The following SCARA3 variants were observed in gnomAD, a reference collection of about 807,000 sequenced individuals.
SCARA3 encodes scavenger receptor class A member 3.
A neutral mutation model predicts 47.0 loss-of-function variants in SCARA3; 39 were observed. The ratio of observed to expected loss-of-function variants is 0.83; its 90% CI spans 0.64 to 1.08. The LOEUF (loss-of-function observed/expected upper bound fraction) is 1.08, where lower values mean the gene tolerates loss of function less well. Among genes scored for constraint, SCARA3 ranks in the 50% least tolerant of loss-of-function variants. SCARA3 has a pLI of 0.00. For missense variants in SCARA3, 724 were observed against 792.3 expected (o/e 0.91, Z 1.04); for synonymous variants, 356 against 334.1 (o/e 1.07, Z -0.71).
chr8:27,724,399 C>CA, the SCARA3 span, among the ~76,000 whole-genome samples: 1 of 152,140 alleles, frequency 6.6e-6, no homozygotes, highest in Non-Finnish European at 1.5e-5. Flanking sequence ...CACAGTGGCT[C>CA]AAGCCTGTAA....
the SCARA3 span, among the ~76,000 whole-genome samples, chr8:27,699,516 G>T: frequency 6.6e-6 from 1 of 152,136 alleles, no homozygotes; most frequent in African/African-American, 2.4e-5. Flanking sequence ...CGGCAGCCTT[G>T]TTTTTAAAGA....
At chr8:27,715,857 G>GATAGATAC in the SCARA3 span, among the ~76,000 whole-genome samples, 9 of 107,294 alleles carry the variant, frequency 8.4e-5, no homozygotes, top group East Asian at 2.7e-4. The surrounding 1 kb of genome is among the most constrained non-coding windows in gnomAD (Gnocchi z 4.2). Context: ...TAGATAGATA[G>GATAGATAC]ATAGATACAT....
chr8:27,671,347 A>T lies in SCARA3; in HGVS notation c.1817A>T (p.Tyr606Phe). ...PPGPPGSQSFY is the reference protein window; with the variant it reads ...PPGPPGSQSFF The stretch of plus-strand genomic sequence containing the variant: ...GGTCCACCAGGAAGCCAGAGCTTCT[A>T]CTGAGGAGGGCTGTGGCAGAGCCAC... The change falls in exon 6 of 6, where the codon TAC (tyrosine) becomes TTC (phenylalanine). Residue 606 changes from tyrosine (Y) to phenylalanine (F), a missense_variant. Transcript: ENST00000301904. 7.0e-7 allele frequency: 1 copy of T among 1,420,702 alleles called. No homozygotes were observed. The highest frequency in any genetic ancestry group is 9.2e-7 in the Non-Finnish European group (1 of 1,089,500). The allele number at this position is 1,420,702 out of a possible 1,614,324, so 88.0% of individuals were successfully genotyped here. A position where few individuals can be genotyped will look rare whatever the true frequency, so the allele number is the denominator to read the frequency against.
At chr8:27,669,310 G>A (rs1802092163) in intron 5 of SCARA3, among the ~76,000 whole-genome samples, 1 of 152,372 alleles carries the variant, frequency 6.6e-6, no homozygotes, top group South Asian at 2.1e-4. Context: ...GCTTCGTGGG[G>A]CGTCTCCGCC....
At chr8:27,720,411 C>T in the SCARA3 span, among the ~76,000 whole-genome samples, 12 of 152,174 alleles carry the variant, frequency 7.9e-5, no homozygotes, top group South Asian at 2.5e-3. Context: ...AGTCAGGTGA[C>T]CCTACCACTT....
the SCARA3 span, among the ~76,000 whole-genome samples, chr8:27,684,896 T>G: frequency 2.1e-5 from 3 of 143,184 alleles, no homozygotes; most frequent in East Asian, 6.7e-4. Context: ...AGTGAGACAC[T>G]TCTCTAAAAA....
chr8:27,659,517 TC>T lies in SCARA3; in HGVS notation c.1348del (p.Arg450AlafsTer24). The T allele has an allele frequency of 6.2e-7, 1 of 1,610,476 alleles. No individual in the cohort carries two copies. ...AVDTQHGEILRNVTILRGAPG... is the reference protein window; with the variant it reads ...AVDTQHGEILXNVTILRGAPG... ...TGGACACACAGCATGGAGAAATCCT[TC>T]GCAATGTCACCATCCTACGAGGTAA... On this transcript the variant is annotated frameshift_variant, in exon 5 of 6. Coordinates refer to ENST00000301904, the MANE Select transcript of SCARA3 (RefSeq NM_016240.3). LOFTEE classifies it low-confidence loss of function (END_TRUNC).
intron 5 of SCARA3, among the ~76,000 whole-genome samples, chr8:27,669,740 C>A (rs1802103155): frequency 6.6e-6 from 1 of 152,214 alleles, no homozygotes; most frequent in South Asian, 2.1e-4. Flanking sequence ...TCTGTCTGGG[C>A]TCTGGTTTCC....
chr8:27,647,435 C>G (rs552615327), intron 1 of SCARA3, among the ~76,000 whole-genome samples: 2 of 152,264 alleles, frequency 1.3e-5, no homozygotes, highest in East Asian at 3.9e-4. Flanking sequence ...TTGAAAGCTC[C>G]CCAGAGAGCT....
the SCARA3 span, among the ~76,000 whole-genome samples, chr8:27,700,842 G>A: frequency 6.6e-6 from 1 of 152,182 alleles, no homozygotes. Flanking sequence ...GTGAAACTGT[G>A]AAGTGGTACA....
the SCARA3 span, among the ~76,000 whole-genome samples, chr8:27,721,892 G>A: frequency 1.3e-5 from 2 of 152,076 alleles, no homozygotes; most frequent in Non-Finnish European, 2.9e-5. Context: ...GACCAGCCTG[G>A]GCAATGTAGC....
chr8:27,640,853 T>C (rs774231292), intron 1 of SCARA3, among the ~76,000 whole-genome samples: 26 of 152,140 alleles, frequency 1.7e-4, no homozygotes, highest in Non-Finnish European at 2.8e-4. Context: ...CATGCCACCA[T>C]GCCCAGCTAA....
the SCARA3 span, among the ~76,000 whole-genome samples, chr8:27,709,607 A>G: frequency 2.6e-5 from 4 of 152,254 alleles, no homozygotes; most frequent in African/African-American, 7.2e-5. Context: ...CTCACCCTCA[A>G]ATTCCCCTAA....
At position 27,659,508 on chromosome 8, in the gene SCARA3, A is replaced by G; in HGVS notation, c.1338A>G (p.Gly446=). The G allele has an allele frequency of 6.2e-7, 1 of 1,612,026 alleles. No homozygotes were observed. Among genetic ancestry groups the G allele is most frequent in the Non-Finnish European group, 8.5e-7 (1 of 1,178,560 alleles). Residue 446 remains glycine (G), a synonymous_variant, in exon 5 of 6, where the codon GGA becomes GGG. Transcript: ENST00000301904. ...TGAAGGCAGTGGACACACAGCATGG[A>G]GAAATCCTTCGCAATGTCACCATCC... ...EEMKAVDTQH[G]EILRNVTILR...
downstream of SCARA3, among the ~76,000 whole-genome samples, chr8:27,674,790 G>A (rs187464565): frequency 6.3e-3 from 909 of 143,882 alleles, 21 homozygotes; most frequent in African/African-American, 0.022. Flanking sequence ...GTGCAGTGGC[G>A]TGATCTTGGC....
chr8:27,688,782 C>G, the SCARA3 span, among the ~76,000 whole-genome samples: 1 of 152,114 alleles, frequency 6.6e-6, no homozygotes, highest in African/African-American at 2.4e-5. Flanking sequence ...AGGAAGGGAG[C>G]TCTTAGCTGC....
At chr8:27,649,175 T>A (rs1463263858) in intron 1 of SCARA3, among the ~76,000 whole-genome samples, 2 of 152,156 alleles carry the variant, frequency 1.3e-5, no homozygotes, top group Non-Finnish European at 2.9e-5. Context: ...GACACCCTGA[T>A]GGGTCCTAGG....
the SCARA3 span, among the ~76,000 whole-genome samples, chr8:27,719,450 G>A: frequency 6.6e-6 from 1 of 151,366 alleles, no homozygotes; most frequent in South Asian, 2.1e-4. Context: ...ATACCTGGGT[G>A]ATAAAATAAT....
chr8:27,698,132 A>G, the SCARA3 span, among the ~76,000 whole-genome samples: 1 of 152,238 alleles, frequency 6.6e-6, no homozygotes, highest in Non-Finnish European at 1.5e-5. Context: ...AGCTCACAGA[A>G]TTCATAGCCA....
Sources: allele counts gnomAD v4.1 joint callset (sites outside exome capture counted in the v4.1 genomes callset), GRCh38; gene constraint gnomAD v4.1.1; non-coding constraint Gnocchi (gnomAD v3.1); transcripts MANE v1.5; gene names NCBI Gene and HGNC (gene_info 2026-07-23, HGNC 2026-07-21).